The following ADK variants were observed in gnomAD, a reference collection of about 807,000 sequenced individuals.
ADK encodes the protein N6,N6-dimethyladenosine kinase.
In ADK, 24 loss-of-function variants were observed where a neutral mutation model predicts 44.7. The ratio of observed to expected loss-of-function variants is 0.54; its 90% CI spans 0.39 to 0.76. The LOEUF (loss-of-function observed/expected upper bound fraction) is 0.76. ADK is among the 30% of genes least tolerant of loss of function. The pLI, the probability that ADK is intolerant of heterozygous loss-of-function variation, is 0.00. For missense variants in ADK, 321 were observed against 425.1 expected (o/e 0.76, Z 2.15); for synonymous variants, 128 against 142.6 (o/e 0.90, Z 0.73).
chr10:74,462,365 T>C (rs1216389292), intron 6 of ADK, among the ~76,000 whole-genome samples: 1 of 152,272 alleles, frequency 6.6e-6, no homozygotes, highest in Admixed American at 6.5e-5. Context: ...TCTAAGAGTA[T>C]ATTTTAGGAA....
chr10:74,183,038 C>T (rs1842619336), intron 1 of ADK, among the ~76,000 whole-genome samples: 1 of 152,176 alleles, frequency 6.6e-6, no homozygotes, highest in Non-Finnish European at 1.5e-5. Flanking sequence ...CCTCAGCCTC[C>T]TGAGCAGCTG....
At chr10:74,558,165 G>A (rs1210536358) in intron 7 of ADK, among the ~76,000 whole-genome samples, 1 of 152,148 alleles carries the variant, frequency 6.6e-6, no homozygotes, top group African/African-American at 2.4e-5. Context: ...AAAGGTCTAT[G>A]TGACAGCAGT....
chr10:74,185,656 C>A (rs1264065227), intron 1 of ADK, among the ~76,000 whole-genome samples: 2 of 149,172 alleles, frequency 1.3e-5, no homozygotes, highest in Non-Finnish European at 3.0e-5. Context: ...CACAGTGAAA[C>A]CCCGTCTCTA....
chr10:74,371,205 AGGAGTAACTGCTAAT>A (rs1230499573), intron 4 of ADK, among the ~76,000 whole-genome samples: 1 of 152,218 alleles, frequency 6.6e-6, no homozygotes, highest in Non-Finnish European at 1.5e-5. Flanking sequence ...GGGAAGATTT[AGGAGTAACTGCTAAT>A]GGGTACAAGG....
At chr10:74,283,634 CTTT>C (rs1222253796) in intron 3 of ADK, among the ~76,000 whole-genome samples, 2 of 118,838 alleles carry the variant, frequency 1.7e-5, no homozygotes, top group Non-Finnish European at 1.8e-5. Flanking sequence ...TCATCTTCAT[CTTT>C]TTTTTTTTTT....
At chr10:74,408,648 T>G (rs1844049126) in intron 6 of ADK, among the ~76,000 whole-genome samples, 2 of 152,216 alleles carry the variant, frequency 1.3e-5, no homozygotes, top group Non-Finnish European at 2.9e-5. Flanking sequence ...ATTGGAAGCC[T>G]TACTGATAAC....
intron 7 of ADK, among the ~76,000 whole-genome samples, chr10:74,556,882 A>G (rs1348774038): frequency 1.3e-5 from 2 of 152,140 alleles, no homozygotes; most frequent in Admixed American, 1.3e-4. Flanking sequence ...CCTTACTATC[A>G]CATTTAGAGT....
intron 7 of ADK, among the ~76,000 whole-genome samples, chr10:74,572,792 A>C (rs1469983809): frequency 8.6e-5 from 13 of 150,526 alleles, no homozygotes; most frequent in South Asian, 2.1e-4. Flanking sequence ...CAGTTGATCG[A>C]ATCGGCTCCT....
intron 6 of ADK, among the ~76,000 whole-genome samples, chr10:74,505,241 T>C (rs1035353286): frequency 6.6e-6 from 1 of 152,216 alleles, no homozygotes; most frequent in African/African-American, 2.4e-5. Flanking sequence ...TCCTTCCACC[T>C]TTTGCTTTTG....
chr10:74,574,345 A>G (rs1049879114), intron 7 of ADK, among the ~76,000 whole-genome samples: 1 of 151,516 alleles, frequency 6.6e-6, no homozygotes, highest in African/African-American at 2.4e-5. Flanking sequence ...TAATTTTTGT[A>G]TTTTTAGTAG....
chr10:74,648,810 G>A (rs984797922), intron 9 of ADK, among the ~76,000 whole-genome samples: 2 of 152,156 alleles, frequency 1.3e-5, no homozygotes, highest in Non-Finnish European at 2.9e-5. Context: ...TACTGTCCAG[G>A]CTAAGTTGGT....
intron 8 of ADK, among the ~76,000 whole-genome samples, chr10:74,598,747 C>T (rs1157113477): frequency 6.6e-6 from 1 of 152,090 alleles, no homozygotes; most frequent in Non-Finnish European, 1.5e-5. Context: ...CTATAACCAG[C>T]CAGAATCTTA....
At chr10:74,559,681 G>A (rs1850385181) in intron 7 of ADK, among the ~76,000 whole-genome samples, 1 of 152,142 alleles carries the variant, frequency 6.6e-6, no homozygotes, top group Non-Finnish European at 1.5e-5. Flanking sequence ...TTGCCAAACT[G>A]ATATATTTAA....
chr10:74,207,416 G>C (rs930991534), intron 2 of ADK, among the ~76,000 whole-genome samples: 4 of 152,130 alleles, frequency 2.6e-5, no homozygotes, highest in African/African-American at 9.7e-5. Flanking sequence ...CCACTTGGTG[G>C]GTCTTCTTAT....
At chr10:74,678,359 TA>T (rs571487929) in intron 10 of ADK, among the ~76,000 whole-genome samples, 39 of 151,998 alleles carry the variant, frequency 2.6e-4, no homozygotes, top group Admixed American at 2.6e-3. Flanking sequence ...CTTCGTTAGT[TA>T]AAAAAATGTA....
At chr10:74,551,495 A>C (rs1850034446) in intron 7 of ADK, 1 of 152,324 alleles carries the variant, frequency 6.6e-6, no homozygotes, top group Non-Finnish European at 1.5e-5. Flanking sequence ...TAGCCTTAGG[A>C]AAAAACAATT....
At chr10:74,170,000 T>G (rs1842117650) in intron 1 of ADK, among the ~76,000 whole-genome samples, 2 of 152,334 alleles carry the variant, frequency 1.3e-5, no homozygotes, top group South Asian at 4.2e-4. Context: ...TTCGAATCCC[T>G]TCTCATTCCC....
At chr10:74,386,243 T>A (rs988045522) in intron 4 of ADK, among the ~76,000 whole-genome samples, 38 of 152,216 alleles carry the variant, frequency 2.5e-4, no homozygotes, top group African/African-American at 9.2e-4. Flanking sequence ...TTTTCTGAGA[T>A]GCCTCATTGA....
chr10:74,702,325 AG>A (rs1221704457), intron 10 of ADK, among the ~76,000 whole-genome samples: 6 of 151,804 alleles, frequency 4.0e-5, no homozygotes, highest in Non-Finnish European at 8.8e-5. Flanking sequence ...CTGGGACTAC[AG>A]GCACCCGCCA....
Sources: allele counts gnomAD v4.1 joint callset (sites outside exome capture counted in the v4.1 genomes callset), GRCh38; gene constraint gnomAD v4.1.1; transcripts MANE v1.5; gene names NCBI Gene and HGNC (gene_info 2026-07-23, HGNC 2026-07-21).